MYH13: variants seen among roughly 807,000 people sequenced by gnomAD.
MYH13 encodes the protein myosin heavy chain 13.
Under a neutral mutation model 232.1 loss-of-function variants are expected in MYH13, and 177 were observed. The ratio of observed to expected loss-of-function variants is 0.76; its 90% confidence interval spans 0.67 to 0.86. MYH13 has a LOEUF of 0.86. Ranked by LOEUF, MYH13 falls within the 40% of genes least tolerant of loss-of-function variation. The pLI, the probability that MYH13 is intolerant of heterozygous loss-of-function variation, is 0.00. For synonymous variants in MYH13, 884 were observed against 923.5 expected, an observed-to-expected ratio of 0.96 and a Z score of 0.78; for missense variants, 2,246 against 2,405.9, an observed-to-expected ratio of 0.93 and a Z score of 1.39.
intron 15 of MYH13, among the ~76,000 whole-genome samples, chr17:10,344,661 GA>G (rs909963693): frequency 2.1e-3 from 309 of 147,160 alleles, no homozygotes; most frequent in African/African-American, 6.8e-3. Flanking sequence ...ACAAAAAAAA[GA>G]AAAAAAAAAT....
intron 16 of MYH13, among the ~76,000 whole-genome samples, chr17:10,342,435 C>G (rs2071625496): frequency 6.6e-6 from 1 of 152,140 alleles, no homozygotes; most frequent in African/African-American, 2.4e-5. Flanking sequence ...CCCAGCAACT[C>G]TACTCCTAGG....
chr17:10,355,262 G>A, intron 8 of MYH13, 115 bp from the exon 9 acceptor site: 1 of 1,124,450 alleles, frequency 8.9e-7, no homozygotes. Flanking sequence ...CTAGAGAACA[G>A]AACTGAAGGC....
At position 10,301,646 on chromosome 17, in the gene MYH13, C is replaced by A. The variant is rs1007359948; in HGVS notation, c.5725G>T (p.Glu1909Ter). ...GCGATGTCCGCCCTCTCCGCGGCCT[C>A]CTCTAGCTCATGCTGGACTCTCCGG... ...RCRRVQHELEEAAERADIAES... is the reference protein window; with the variant it reads ...RCRRVQHELE Residue 1909 changes from glutamate (E) to a stop codon, truncating the protein, a stop_gained, in exon 40 of 41, where the codon GAG becomes TAG. Coordinates refer to ENST00000252172, the MANE Select transcript of MYH13 (RefSeq NM_003802.3). LOFTEE classifies it high-confidence loss of function. The A allele has an allele frequency of 4.3e-6, 7 of 1,614,204 alleles. No homozygotes were observed. Among genetic ancestry groups the A allele is most frequent in the Non-Finnish European group, 5.1e-6 (6 of 1,180,042 alleles).
chr17:10,326,297 C>G (rs1405135427), intron 22 of MYH13, among the ~76,000 whole-genome samples: 1 of 152,126 alleles, frequency 6.6e-6, no homozygotes, highest in Non-Finnish European at 1.5e-5. Context: ...GGAAAGTGCT[C>G]CTATTAACTC....
In MYH13 at chr17:10,312,854, C is replaced by T. The variant is rs559634983; in HGVS notation, c.4182-97G>A. On this transcript the variant is annotated intron_variant, in intron 30 of 40. Transcript: ENST00000252172. Reference sequence around the variant, plus strand: ...AGAGAAATGAATAGCGTGGAAGGGACTGGTGTTTGATGAGACCAAGACCTA... The same window carrying T: ...AGAGAAATGAATAGCGTGGAAGGGATTGGTGTTTGATGAGACCAAGACCTA... 26 of 1,371,102 alleles carry T rather than the reference C, an allele frequency of 1.9e-5. No individual in the cohort carries two copies. In the Admixed American group the frequency reaches 2.2e-4, roughly 11 times the overall value. The allele number at this position is 1,371,102 out of a possible 1,614,324, so 84.9% of individuals were successfully genotyped here.
Position 10,362,463 on chromosome 17 carries a change from G to A in MYH13, c.245C>T (p.Pro82Leu). The A allele has an allele frequency of 6.2e-7, 1 of 1,614,184 alleles. No homozygotes were observed. The change falls in exon 4 of 41, where the codon CCT becomes CTT. Residue 82 changes from proline to leucine, a missense_variant. Pro to Leu is a moderately conservative substitution (Grantham distance 98). Coordinates refer to ENST00000252172, the MANE Select transcript of MYH13 (RefSeq NM_003802.3). ...GTCCTCGATCTTGTCAAATTTGGGAGGGTTCATGGGGAAGACCTGGTCATT... is the reference window on the plus strand; with the variant it reads ...GTCCTCGATCTTGTCAAATTTGGGAAGGTTCATGGGGAAGACCTGGTCATT... ...LNNDQVFPMN[P>L]PKFDKIEDMA...
chr17:10,303,346 G>A (rs1335197817), intron 38 of MYH13, 48 bp downstream of exon 38: 2 of 1,612,200 alleles, frequency 1.2e-6, no homozygotes, highest in African/African-American at 1.3e-5. Context: ...ACTTCTGATG[G>A]GGCTTGGTCC....
At chr17:10,316,456 C>T (rs531633526) in intron 27 of MYH13, among the ~76,000 whole-genome samples, 16 of 146,698 alleles carry the variant, frequency 1.1e-4, no homozygotes, top group African/African-American at 2.8e-4. Flanking sequence ...AGTGAAACTC[C>T]GTCTCAAAAA....
At position 10,333,098 on chromosome 17, in the gene MYH13, A is replaced by G. The variant is rs1907465926; in HGVS notation, c.2150T>C (p.Ile717Thr). The G allele has an allele frequency of 6.4e-7, 1 of 1,551,374 alleles. No individual in the cohort carries two copies. The highest frequency in any genetic ancestry group is 1.4e-5 in the African/African-American group (1 of 73,028). Residue 717 changes from isoleucine (I) to threonine (T), a missense_variant, in exon 19 of 41, where the codon ATC becomes ACC. Ile to Thr is a moderately conservative substitution (Grantham distance 89). Transcript: ENST00000252172. ...CCGCTGCTTGAAGTCAGCATAGAGG[A>G]TCCGGCTGGGGAATCCCTTCCTGCA... ...RICRKGFPSRILYADFKQRYR... is the reference protein window; with the variant it reads ...RICRKGFPSRTLYADFKQRYR...
chr17:10,332,340 G>T (rs1907438004), intron 19 of MYH13, 118 bp from the exon 20 acceptor site: 1 of 1,339,256 alleles, frequency 7.5e-7, no homozygotes, highest in Non-Finnish European at 1.0e-6. Flanking sequence ...ATACTGTACA[G>T]CTGGTCTGGG....
At chr17:10,301,807 G>A in intron 39 of MYH13, 104 bp from the exon 40 acceptor site, 2 of 1,435,102 alleles carry the variant, frequency 1.4e-6, no homozygotes, top group Non-Finnish European at 1.9e-6. Flanking sequence ...CCAGGGCCCT[G>A]GATTCCCTGA....
At chr17:10,315,433 G>A (rs577159366) in intron 29 of MYH13, among the ~76,000 whole-genome samples, 5 of 152,064 alleles carry the variant, frequency 3.3e-5, no homozygotes, top group South Asian at 4.1e-4. Context: ...CTGGGATTAC[G>A]GGCACCTGCC....
intron 20 of MYH13, among the ~76,000 whole-genome samples, chr17:10,331,699 A>C (rs920670960): frequency 2.6e-5 from 4 of 152,108 alleles, no homozygotes; most frequent in Admixed American, 6.6e-5. Context: ...TCAGCCTCCC[A>C]AAAGCATGGG....
chr17:10,312,543 A>G, intron 31 of MYH13, 31 bp downstream of exon 31: 1 of 1,593,740 alleles, frequency 6.3e-7, no homozygotes, highest in East Asian at 2.2e-5. Context: ...TCCTCATGCC[A>G]TCTTCACAAA....
rs749173896 is a variant in MYH13, at chr17:10,313,346, GT to G, written c.3992del (p.Asn1331ThrfsTer102). Reference sequence around the variant, plus strand: ...AGGACTGCAGGGCGTGCGCCATGGCGTTCTTGGCCTGGGAATGACAGCGGTG... The same window carrying G: ...AGGACTGCAGGGCGTGCGCCATGGCGTCTTGGCCTGGGAATGACAGCGGTG... ...RQMEEETKAK[N>X]AMAHALQSSR... On this transcript the variant is annotated frameshift_variant, in exon 30 of 41. Transcript: ENST00000252172. LOFTEE classifies it high-confidence loss of function. The G allele has an allele frequency of 7.4e-6, 12 of 1,614,246 alleles. No individual in the cohort carries two copies. Among genetic ancestry groups the G allele is most frequent in the Non-Finnish European group, 1.0e-5 (12 of 1,180,046 alleles).
At chr17:10,350,445 A>G in intron 12 of MYH13, 111 bp downstream of exon 12, 1 of 1,460,216 alleles carries the variant, frequency 6.8e-7, no homozygotes, top group Non-Finnish European at 9.2e-7. Flanking sequence ...GATTTGATTT[A>G]TGCAGTTTTG....
chr17:10,345,122 T>C, intron 15 of MYH13, 80 bp downstream of exon 15: 1 of 1,610,422 alleles, frequency 6.2e-7, no homozygotes, highest in Non-Finnish European at 8.5e-7. Context: ...GGCCCCAATC[T>C]GTGAGCAGAA....
intron 33 of MYH13, among the ~76,000 whole-genome samples, chr17:10,310,627 C>T (rs1208667586): frequency 1.3e-5 from 2 of 152,128 alleles, no homozygotes; most frequent in African/African-American, 4.8e-5. Flanking sequence ...TCAACCTATT[C>T]TCTAAAATGA....
chr17:10,305,898 C>T (rs1906264487), intron 37 of MYH13, among the ~76,000 whole-genome samples: 1 of 152,152 alleles, frequency 6.6e-6, no homozygotes, highest in Non-Finnish European at 1.5e-5. Context: ...CGATCGCCCT[C>T]TTTTGGGGCT....
Sources: gnomAD v4.1 joint callset for allele counts (sites outside exome capture counted in the v4.1 genomes callset) on GRCh38, gnomAD v4.1.1 for gene constraint, MANE v1.5 for transcripts, NCBI Gene and HGNC (gene_info 2026-07-23, HGNC 2026-07-21) for gene names.